The following RALGPS2 variants were observed in gnomAD, a reference collection of about 807,000 sequenced individuals.
RALGPS2 encodes the protein ras-specific guanine nucleotide-releasing factor RalGPS2.
Under a neutral mutation model 86.8 loss-of-function variants are expected in RALGPS2, and 43 were observed. The ratio of observed to expected loss-of-function variants is 0.50; its 90% CI spans 0.39 to 0.64. The LOEUF is 0.64. Among genes scored for constraint, RALGPS2 ranks in the 30% least tolerant of loss-of-function variants. The pLI, the probability that RALGPS2 is intolerant of heterozygous loss-of-function variation, is 0.00. For missense variants in RALGPS2, 536 were observed against 694.6 expected (o/e 0.77, Z 2.57); for synonymous variants, 243 against 231.3 (o/e 1.05, Z -0.46).
At chr1:178,856,194 G>GATATATATATATATATATAT (rs776840814) in intron 8 of RALGPS2, among the ~76,000 whole-genome samples, 10 of 99,142 alleles carry the variant, frequency 1.0e-4, no homozygotes, top group Admixed American at 2.3e-4. Flanking sequence ...CTTTTCCAGA[G>GATATATATATATATATATAT]AGAGAGAGAT....
intron 19 of RALGPS2, among the ~76,000 whole-genome samples, chr1:178,911,891 A>G (rs1209415389): frequency 5.3e-5 from 8 of 152,100 alleles, no homozygotes; most frequent in Admixed American, 4.6e-4. Context: ...AGATGCTCCA[A>G]TGTTGGGTGC....
Position 178,739,414 on chromosome 1 carries a change from G to A in RALGPS2, c.-84+13995G>A, listed in dbSNP as rs571865403. On this transcript the variant is annotated intron_variant, in intron 1 of 19. Transcript: ENST00000367635. ...TTTTGTGTCAGATTGAAGAGCATTA[G>A]CAGGTCACAGAAGAAGAGGCTCAGT... 3.9e-5 allele frequency among the ~76,000 whole-genome samples: 6 copies of A among 152,298 alleles called. No individual in the cohort carries two copies. The South Asian group carries it at 8.3e-4, about 21-fold the overall frequency.
chr1:178,851,309 G>T, intron 8 of RALGPS2: 1 of 1,606,264 alleles, frequency 6.2e-7, no homozygotes, highest in Non-Finnish European at 8.5e-7. Flanking sequence ...GAAAGTGGGC[G>T]CAGTTTCCTT....
intron 15 of RALGPS2, among the ~76,000 whole-genome samples, chr1:178,892,653 A>G (rs938772470): frequency 6.6e-6 from 1 of 152,108 alleles, no homozygotes; most frequent in African/African-American, 2.4e-5. Context: ...TAATCAAAGC[A>G]TTTTCTTTGC....
chr1:178,748,394 G>T (rs1054086000), intron 1 of RALGPS2, among the ~76,000 whole-genome samples: 4 of 151,920 alleles, frequency 2.6e-5, no homozygotes, highest in African/African-American at 9.7e-5. Context: ...AAGGACTTGT[G>T]TACTAATGTT....
intron 15 of RALGPS2, among the ~76,000 whole-genome samples, chr1:178,892,559 T>C (rs1659762173): frequency 6.6e-6 from 1 of 152,162 alleles, no homozygotes; most frequent in Admixed American, 6.6e-5. Context: ...TCCAAGTTGG[T>C]AGCCTTTAAA....
intron 1 of RALGPS2, among the ~76,000 whole-genome samples, chr1:178,740,483 C>G (rs913336795): frequency 3.3e-5 from 5 of 152,098 alleles, no homozygotes; most frequent in African/African-American, 1.2e-4. Context: ...ACCATGGGAG[C>G]TGAAGCTGCA....
rs187811672 is a variant in RALGPS2, at chr1:178,826,821, A to G, written c.480+5117A>G. On this transcript the variant is annotated intron_variant, in intron 7 of 19. Transcript: ENST00000367635. ...ACAATATCAACAAAAGAAACAAAAT[A>G]TCAAACAATAAGTGGAATAAAATGT... Among the ~76,000 whole-genome samples the G allele has an allele frequency of 1.3e-3, 191 of 152,342 alleles. 1 individual carries two copies. Among genetic ancestry groups the G allele is most frequent in the African/African-American group, 4.2e-3 (175 of 41,586 alleles).
intron 1 of RALGPS2, among the ~76,000 whole-genome samples, chr1:178,762,190 T>A (rs1489424488): frequency 6.6e-6 from 1 of 152,216 alleles, no homozygotes; most frequent in Non-Finnish European, 1.5e-5. Flanking sequence ...ATGATGTCAC[T>A]CTTTTTTATG....
At chr1:178,756,248 G>A (rs1651950834) in intron 1 of RALGPS2, among the ~76,000 whole-genome samples, 1 of 152,130 alleles carries the variant, frequency 6.6e-6, no homozygotes, top group Admixed American at 6.6e-5. Flanking sequence ...CACATGTCCA[G>A]AATGGTGTTT....
chr1:178,732,002 G>A (rs1331869141), intron 1 of RALGPS2, among the ~76,000 whole-genome samples: 4 of 152,124 alleles, frequency 2.6e-5, no homozygotes, highest in Admixed American at 6.5e-5. Flanking sequence ...AGTAGGGAGA[G>A]TTACTATAGA....
intron 4 of RALGPS2, among the ~76,000 whole-genome samples, chr1:178,799,498 T>C (rs893759693): frequency 6.6e-6 from 1 of 152,162 alleles, no homozygotes; most frequent in Non-Finnish European, 1.5e-5. Context: ...TGATCAGGAC[T>C]GCCCTTACCT....
At chr1:178,864,617 A>T (rs1009395332) in intron 8 of RALGPS2, among the ~76,000 whole-genome samples, 1 of 152,176 alleles carries the variant, frequency 6.6e-6, no homozygotes, top group African/African-American at 2.4e-5. Context: ...CGACCTAGCT[A>T]GAAGCTGATA....
intron 19 of RALGPS2, among the ~76,000 whole-genome samples, chr1:178,913,904 A>C (rs1007218017): frequency 2.6e-5 from 4 of 152,160 alleles, no homozygotes; most frequent in Non-Finnish European, 5.9e-5. Context: ...CCATCAGGCT[A>C]CTGGCAAAAG....
At chr1:178,858,923 A>G (rs1657770085) in intron 8 of RALGPS2, among the ~76,000 whole-genome samples, 1 of 152,208 alleles carries the variant, frequency 6.6e-6, no homozygotes, top group Non-Finnish European at 1.5e-5. Context: ...CAGTAAACCA[A>G]TTCAGAGCTT....
At chr1:178,819,946 GC>G (rs959954203) in intron 6 of RALGPS2, among the ~76,000 whole-genome samples, 16 of 152,146 alleles carry the variant, frequency 1.1e-4, no homozygotes, top group African/African-American at 1.7e-4. Context: ...CTTACCCAAA[GC>G]ATTTGGGGCC....
chr1:178,808,947 A>G (rs1171995911), intron 5 of RALGPS2, among the ~76,000 whole-genome samples: 1 of 152,074 alleles, frequency 6.6e-6, no homozygotes, highest in Non-Finnish European at 1.5e-5. Context: ...GCTCACTGCA[A>G]CCAGTCCTCC....
chr1:178,865,556 C>G lies in RALGPS2; in HGVS notation c.608-11942C>G, dbSNP rs199972606. ...CCTGGTGATCATGTCTTTAATGGTA[C>G]TTGCATCTTGCCCCTTGGTGTTGAC... On this transcript the variant is annotated intron_variant, in intron 8 of 19. Coordinates refer to ENST00000367635, the MANE Select transcript of RALGPS2 (RefSeq NM_152663.5). 46 of 1,614,140 alleles carry G rather than the reference C, an allele frequency of 2.8e-5. No individual in the cohort carries two copies. In the East Asian group the frequency reaches 9.6e-4, roughly 34 times the overall value.
chr1:178,819,454 A>G (rs1012091919), intron 6 of RALGPS2, among the ~76,000 whole-genome samples: 26 of 152,292 alleles, frequency 1.7e-4, no homozygotes, highest in African/African-American at 6.0e-4. Context: ...TCAGGCAATG[A>G]GTCCTTCAGT....
Sources: gnomAD v4.1 joint callset for allele counts (sites outside exome capture counted in the v4.1 genomes callset) on GRCh38, gnomAD v4.1.1 for gene constraint, MANE v1.5 for transcripts, NCBI Gene and HGNC (gene_info 2026-07-23, HGNC 2026-07-21) for gene names.